Variants in RIMS2 observed in about 807,000 individuals in gnomAD.
RIMS2 encodes the protein regulating synaptic membrane exocytosis protein 2.
In RIMS2, 59 loss-of-function variants were observed where a neutral mutation model predicts 174.4. The observed-to-expected ratio is 0.34, with a 90% CI of 0.27 to 0.42. The LOEUF (loss-of-function observed/expected upper bound fraction) is 0.42. RIMS2 is among the 10% of genes least tolerant of loss of function. The pLI is 1.00. For synonymous variants in RIMS2, 606 were observed against 572.5 expected (o/e 1.06, Z -0.84); for missense variants, 1,620 against 1,666.3 (o/e 0.97, Z 0.48).
chr8:103,959,905 A>C (rs1390211780), intron 14 of RIMS2, among the ~76,000 whole-genome samples: 1 of 152,206 alleles, frequency 6.6e-6, no homozygotes, highest in African/African-American at 2.4e-5. Context: ...AAAGCAGAAA[A>C]GATCTAAAAT....
chr8:104,085,696 A>C (rs117820731), intron 19 of RIMS2, among the ~76,000 whole-genome samples: 1 of 152,314 alleles, frequency 6.6e-6, no homozygotes, highest in Admixed American at 6.5e-5. Context: ...TAAATGACTA[A>C]GTAATATTTC....
chr8:104,186,842 A>C (rs568812439), intron 19 of RIMS2, among the ~76,000 whole-genome samples: 1 of 151,940 alleles, frequency 6.6e-6, no homozygotes, highest in African/African-American at 2.4e-5. Context: ...GTCAGGATCC[A>C]AAAGTAACAT....
intron 4 of RIMS2, among the ~76,000 whole-genome samples, chr8:103,907,280 CT>C (rs2074627600): frequency 6.6e-6 from 1 of 152,180 alleles, no homozygotes; most frequent in South Asian, 2.1e-4. Flanking sequence ...TTACACACAA[CT>C]TTTTCTACTT....
At chr8:103,683,369 T>C (rs2096902609) in intron 1 of RIMS2, among the ~76,000 whole-genome samples, 1 of 152,128 alleles carries the variant, frequency 6.6e-6, no homozygotes, top group African/African-American at 2.4e-5. Flanking sequence ...GACAACTCAC[T>C]CTTGTGAGAA....
At chr8:103,623,142 G>C (rs1022049500) in intron 1 of RIMS2, among the ~76,000 whole-genome samples, 12 of 152,128 alleles carry the variant, frequency 7.9e-5, no homozygotes, top group Non-Finnish European at 1.5e-4. Flanking sequence ...ATGTGATTTT[G>C]CTAGTTTTTA....
chr8:104,096,355 A>G (rs2097762640), intron 19 of RIMS2, among the ~76,000 whole-genome samples: 1 of 152,192 alleles, frequency 6.6e-6, no homozygotes, highest in South Asian at 2.1e-4. Context: ...TGGTTTTTAA[A>G]TAGTACTTGC....
At chr8:104,119,694 G>A (rs2098341105) in intron 19 of RIMS2, among the ~76,000 whole-genome samples, 1 of 152,054 alleles carries the variant, frequency 6.6e-6, no homozygotes, top group Admixed American at 6.6e-5. Flanking sequence ...GTAGTGTATT[G>A]TCAACTTCTA....
chr8:103,933,491 A>G (rs2080494003), intron 12 of RIMS2, among the ~76,000 whole-genome samples: 1 of 152,196 alleles, frequency 6.6e-6, no homozygotes, highest in Non-Finnish European at 1.5e-5. Flanking sequence ...TCCATCTCAA[A>G]TAAAAAAAAG....
intron 15 of RIMS2, among the ~76,000 whole-genome samples, chr8:103,963,325 G>C (rs1299071178): frequency 1.3e-5 from 2 of 152,072 alleles, no homozygotes; most frequent in Non-Finnish European, 2.9e-5. Flanking sequence ...AAAATCTATT[G>C]ATAGTTTGTT....
At chr8:103,899,057 A>G (rs202143600) in intron 4 of RIMS2, among the ~76,000 whole-genome samples, 1 of 151,546 alleles carries the variant, frequency 6.6e-6, no homozygotes, top group Non-Finnish European at 1.5e-5. Context: ...GAACTCATCA[A>G]TTTTTATGGC....
chr8:103,581,644 G>A (rs2093625352), intron 1 of RIMS2, among the ~76,000 whole-genome samples: 1 of 152,180 alleles, frequency 6.6e-6, no homozygotes, highest in Non-Finnish European at 1.5e-5. Context: ...GCAAGAGAAG[G>A]AAATTAAGGA....
rs957110034 is a variant in RIMS2, at chr8:103,536,552, G to A, written c.176+35490G>A. Among the ~76,000 whole-genome samples the A allele has an allele frequency of 2.4e-4, 37 of 152,142 alleles. 1 individual carries two copies. The highest frequency in any genetic ancestry group is 2.2e-3 in the Admixed American group (34 of 15,278). The stretch of plus-strand genomic sequence containing the variant: ...GCTGTACAGGAAGCATGATGCTGAC[G>A]TCTGCTCGGTTTCTGGGGAGACCTT... On this transcript the variant is annotated intron_variant, in intron 1 of 23. Coordinates refer to ENST00000504942, the Ensembl canonical transcript of RIMS2.
chr8:103,816,847 C>T (rs1048582645), intron 3 of RIMS2, among the ~76,000 whole-genome samples: 1 of 152,174 alleles, frequency 6.6e-6, no homozygotes. Flanking sequence ...ACTTAGACCA[C>T]TTCGATGCTT....
intron 1 of RIMS2, among the ~76,000 whole-genome samples, chr8:103,632,731 AT>A (rs61579273): frequency 0.014 from 966 of 70,362 alleles, 4 homozygotes; most frequent in African/African-American, 0.04. Flanking sequence ...ATATTTATTG[AT>A]TTTTTTTTTT....
chr8:104,178,762 TTCTACTACGCTTCAG>T (rs1321856891), intron 19 of RIMS2, among the ~76,000 whole-genome samples: 286 of 152,264 alleles, frequency 1.9e-3, no homozygotes, highest in African/African-American at 6.4e-3. Flanking sequence ...GTTCCAATTT[TTCTACTACGCTTCAG>T]GGAATTAAGA....
intron 19 of RIMS2, among the ~76,000 whole-genome samples, chr8:104,161,531 C>T (rs1267410683): frequency 6.6e-6 from 1 of 152,092 alleles, no homozygotes; most frequent in African/African-American, 2.4e-5. Flanking sequence ...AAATTAGAAA[C>T]ATTTTGTCAA....
At chr8:104,015,841 C>A (rs1597165737) in intron 19 of RIMS2, among the ~76,000 whole-genome samples, 1 of 152,018 alleles carries the variant, frequency 6.6e-6, no homozygotes, top group African/African-American at 2.4e-5. Context: ...TTATATTTAC[C>A]ATCATATATT....
intron 17 of RIMS2, among the ~76,000 whole-genome samples, chr8:103,993,841 A>G (rs1010134282): frequency 1.3e-5 from 2 of 152,032 alleles, no homozygotes; most frequent in Non-Finnish European, 2.9e-5. Flanking sequence ...AGTCTAGGCC[A>G]TATAGTGAGA....
chr8:104,087,871 T>A (rs901505388), intron 19 of RIMS2, among the ~76,000 whole-genome samples: 1 of 152,104 alleles, frequency 6.6e-6, no homozygotes, highest in East Asian at 1.9e-4. Flanking sequence ...TTCGTTAGGC[T>A]CAGCTTTACT....
Sources: gnomAD v4.1 joint callset for allele counts (sites outside exome capture counted in the v4.1 genomes callset) on GRCh38, gnomAD v4.1.1 for gene constraint, MANE v1.5 for transcripts, NCBI Gene and HGNC (gene_info 2026-07-23, HGNC 2026-07-21) for gene names.